Variants in SMCHD1 observed in about 807,000 individuals in gnomAD.
SMCHD1 encodes the protein structural maintenance of chromosomes flexible hinge domain-containing protein 1.
Under a neutral mutation model 254.7 loss-of-function variants are expected in SMCHD1, and 78 were observed. That is an observed-to-expected ratio of 0.31 (90% CI 0.26 to 0.37). The LOEUF (loss-of-function observed/expected upper bound fraction) is 0.37, where lower values mean the gene tolerates loss of function less well. Ranked by LOEUF, SMCHD1 falls within the 10% of genes least tolerant of loss-of-function variation. The probability of loss-of-function intolerance (pLI) is 1.00; values close to 1 mark genes in which losing one functional copy is unlikely to be tolerated. For synonymous variants in SMCHD1, 766 were observed against 794.9 expected (o/e 0.96, Z 0.61); for missense variants, 1,840 against 2,408.1 (o/e 0.76, Z 4.94).
At chr18:2,709,515 T>G (rs1220977479) in intron 17 of SMCHD1, among the ~76,000 whole-genome samples, 1 of 152,206 alleles carries the variant, frequency 6.6e-6, no homozygotes, top group Non-Finnish European at 1.5e-5. Flanking sequence ...TTTCTCCATG[T>G]CACCCCCACT....
intron 34 of SMCHD1, among the ~76,000 whole-genome samples, chr18:2,759,489 A>ATTTTTTTTTT (rs10673696): frequency 8.5e-6 from 1 of 117,186 alleles, no homozygotes; most frequent in Non-Finnish European, 1.6e-5. Context: ...TTTTCAAGCA[A>ATTTTTTTTTT]TTTTTTTTTT....
Position 2,661,234 on chromosome 18 carries a change from G to C in SMCHD1, c.187-4923G>C, listed in dbSNP as rs553418495. Among the ~76,000 whole-genome samples the C allele has an allele frequency of 3.3e-5, 5 of 152,200 alleles. No homozygotes were observed. The South Asian group carries it at 8.3e-4, about 25-fold the overall frequency. The stretch of plus-strand genomic sequence containing the variant: ...AGGACAAATACCTAATGCATGTGGG[G>C]CTTAAATCCTAGATGACAGGTTGAT... On this transcript the variant is annotated intron_variant, in intron 1 of 47. Transcript: ENST00000320876.
In SMCHD1 at chr18:2,718,250, T is replaced by A; in HGVS notation, c.2338+15T>A. On this transcript the variant is annotated intron_variant, in intron 18 of 47. Transcript: ENST00000320876. This position sits in a 1 kb window ranked among gnomAD's most constrained non-coding sequence, Gnocchi z 4.6. ...TAAAAAAATGGGTGAGTTCTTATTC[T>A]GAATGTTAAAAAATACATTGGTATT... The A allele has an allele frequency of 3.7e-6, 6 of 1,611,556 alleles. No individual in the cohort carries two copies. The South Asian group carries it at 6.6e-5, about 18-fold the overall frequency.
chr18:2,697,700 T>C (rs2074313839), intron 9 of SMCHD1, 131 bp from the exon 10 acceptor site: 1 of 635,642 alleles, frequency 1.6e-6, no homozygotes, highest in East Asian at 2.7e-5. Context: ...TAAATATATG[T>C]ATTTCATTAA....
chr18:2,681,586 CAAAAAA>C (rs11338546), intron 5 of SMCHD1, among the ~76,000 whole-genome samples: 1 of 95,910 alleles, frequency 1.0e-5, no homozygotes, highest in Non-Finnish European at 2.1e-5. Flanking sequence ...TCCTATCTCT[CAAAAAA>C]AAAAAAAAAA....
chr18:2,748,663 G>A (rs991962988), intron 30 of SMCHD1, among the ~76,000 whole-genome samples: 1 of 152,048 alleles, frequency 6.6e-6, no homozygotes, highest in African/African-American at 2.4e-5. Context: ...CCAAAGTGCT[G>A]GGATTACAGG....
In SMCHD1 at chr18:2,698,119, C is replaced by T. The variant is rs867704943; in HGVS notation, c.1342+78C>T. On this transcript the variant is annotated intron_variant, in intron 10 of 47. Coordinates refer to ENST00000320876, the MANE Select transcript of SMCHD1 (RefSeq NM_015295.3). ...GTGATTTGTTTTTCTAAATGATTAT[C>T]GGTTGGGTTATTCAGGTTAGATAAA... The T allele has an allele frequency of 8.7e-5, 102 of 1,174,606 alleles. No individual in the cohort carries two copies. The South Asian group carries it at 9.1e-4, about 10-fold the overall frequency. The allele number at this position is 1,174,606 out of a possible 1,614,324, so 72.8% of individuals were successfully genotyped here.
chr18:2,668,272 T>A (rs2073493363), intron 3 of SMCHD1, among the ~76,000 whole-genome samples: 1 of 152,210 alleles, frequency 6.6e-6, no homozygotes, highest in Non-Finnish European at 1.5e-5. Context: ...AATCTGTGTG[T>A]GCTTTCTTAA....
chr18:2,756,970 A>G (rs2075693327), intron 34 of SMCHD1, among the ~76,000 whole-genome samples: 2 of 152,274 alleles, frequency 1.3e-5, no homozygotes, highest in Admixed American at 1.3e-4. Context: ...TTTAAAGAAC[A>G]AACTTTGGGC....
At chr18:2,774,601 G>A (rs1375945578) in intron 41 of SMCHD1, among the ~76,000 whole-genome samples, 1 of 152,088 alleles carries the variant, frequency 6.6e-6, no homozygotes, top group African/African-American at 2.4e-5. Flanking sequence ...TAGTGGAGAT[G>A]GGGTTTCGTG....
chr18:2,728,788 G>C (rs184855056), intron 23 of SMCHD1, 192 bp downstream of exon 23: 312 of 496,386 alleles, frequency 6.3e-4, no homozygotes, highest in South Asian at 1.0e-3. Flanking sequence ...TGCCAACTGT[G>C]CCCAGTTTCA....
chr18:2,776,576 A>G (rs1301080316), intron 42 of SMCHD1, among the ~76,000 whole-genome samples: 1 of 152,132 alleles, frequency 6.6e-6, no homozygotes, highest in Non-Finnish European at 1.5e-5. Flanking sequence ...GACAGGAAGG[A>G]AATACTAACA....
intron 47 of SMCHD1, chr18:2,796,995 T>C (rs2076276245): frequency 6.6e-6 from 1 of 152,206 alleles, no homozygotes; most frequent in Admixed American, 6.5e-5. Flanking sequence ...AACTTAAGCA[T>C]TATGTTTTCT....
At chr18:2,800,400 TTGC>T (rs1329596619) in intron 47 of SMCHD1, 12 of 152,216 alleles carry the variant, frequency 7.9e-5, no homozygotes, top group African/African-American at 2.9e-4. Context: ...CTTTTGGTAG[TTGC>T]TGGCACACTA....
intron 28 of SMCHD1, among the ~76,000 whole-genome samples, chr18:2,741,506 G>A (rs2075348765): frequency 6.6e-6 from 1 of 152,144 alleles, no homozygotes; most frequent in Admixed American, 6.5e-5. Context: ...TAACAGAGCA[G>A]TCACAAAAAT....
Position 2,679,480 on chromosome 18 carries a change from C to CAA in SMCHD1, c.638+5353_638+5354dup, listed in dbSNP as rs59034633. 3.7e-4 allele frequency among the ~76,000 whole-genome samples: 22 copies of CAA among 58,698 alleles called. 2 individuals carry two copies. The highest frequency in any genetic ancestry group is 3.4e-3 in the East Asian group (3 of 874). The allele number at this position is 58,698 out of a possible 152,430, so 38.5% of individuals were successfully genotyped here. Reference sequence around the variant, plus strand: ...GGGTGACAGAGCGAGACTCCATCTCCAAAAAAAAAAAAAAAAAAAGGAACT... The same window carrying CAA: ...GGGTGACAGAGCGAGACTCCATCTCCAAAAAAAAAAAAAAAAAAAAAGGAACT... On this transcript the variant is annotated intron_variant, in intron 5 of 47. Coordinates refer to ENST00000320876, the MANE Select transcript of SMCHD1 (RefSeq NM_015295.3).
At chr18:2,761,100 T>C (rs974131122) in intron 35 of SMCHD1, among the ~76,000 whole-genome samples, 5 of 152,224 alleles carry the variant, frequency 3.3e-5, no homozygotes, top group Non-Finnish European at 7.3e-5. Flanking sequence ...AACGAAATTA[T>C]GTCCTTTGCA....
chr18:2,724,875 T>TA, intron 20 of SMCHD1, 24 bp from the exon 21 acceptor site: 1 of 1,465,336 alleles, frequency 6.8e-7, no homozygotes, highest in Non-Finnish European at 9.3e-7. Context: ...TGAGGGGAGT[T>TA]AAAAAATAAT....
At chr18:2,672,519 T>C (rs1313630925) in intron 3 of SMCHD1, among the ~76,000 whole-genome samples, 1 of 152,188 alleles carries the variant, frequency 6.6e-6, no homozygotes, top group African/African-American at 2.4e-5. Flanking sequence ...TGAGCCCACA[T>C]CCAGCGTGAA....
Sources: allele counts gnomAD v4.1 joint callset (sites outside exome capture counted in the v4.1 genomes callset), GRCh38; gene constraint gnomAD v4.1.1; non-coding constraint Gnocchi (gnomAD v3.1); transcripts MANE v1.5; gene names NCBI Gene and HGNC (gene_info 2026-07-23, HGNC 2026-07-21).